BCAT1: variants seen among roughly 807,000 people sequenced by gnomAD.
BCAT1 encodes branched-chain-amino-acid aminotransferase, cytosolic.
BCAT1 carries 48 observed loss-of-function variants against 52.4 expected under a neutral mutation model. The observed-to-expected ratio is 0.92, with a 90% CI of 0.73 to 1.16. The LOEUF (loss-of-function observed/expected upper bound fraction) is 1.16, where lower values mean the gene tolerates loss of function less well. Ranked by LOEUF, BCAT1 falls within the 50% of genes most tolerant of loss-of-function variation. The pLI, the probability that BCAT1 is intolerant of heterozygous loss-of-function variation, is 0.00. For synonymous variants in BCAT1, 167 were observed against 161.3 expected (o/e 1.04, Z -0.27); for missense variants, 451 against 457.1 (o/e 0.99, Z 0.12).
chr12:24,859,531 G>T (rs575536713), intron 5 of BCAT1, among the ~76,000 whole-genome samples: 68 of 149,196 alleles, frequency 4.6e-4, no homozygotes, highest in Admixed American at 1.7e-3. Context: ...TGAGGCAGGA[G>T]AATGGTGTGA....
intron 1 of BCAT1, among the ~76,000 whole-genome samples, chr12:24,917,113 T>G (rs1242258164): frequency 6.6e-6 from 1 of 151,768 alleles, no homozygotes; most frequent in Non-Finnish European, 1.5e-5. Flanking sequence ...CTTCATTCAC[T>G]CAGTCCCATG....
chr12:24,936,280 T>C (rs1276789342), intron 1 of BCAT1, among the ~76,000 whole-genome samples: 2 of 152,270 alleles, frequency 1.3e-5, no homozygotes, highest in African/African-American at 4.8e-5. Context: ...TAGCCCAGGC[T>C]GGAGTGCAGT....
chr12:24,855,306 TAAA>T (rs777009658), intron 5 of BCAT1, among the ~76,000 whole-genome samples: 1 of 108,266 alleles, frequency 9.2e-6, no homozygotes, highest in Admixed American at 9.9e-5. Context: ...CAGGAGCAGT[TAAA>T]AAAAAAAAAA....
chr12:24,836,897 GAAA>G (rs1183678778), intron 7 of BCAT1, among the ~76,000 whole-genome samples: 10 of 28,890 alleles, frequency 3.5e-4, no homozygotes, highest in African/African-American at 1.4e-3. Flanking sequence ...AAGAAAGAAA[GAAA>G]AGAAAGAGAG....
At chr12:24,943,493 GAAAAAAAA>G (rs4031153) in intron 1 of BCAT1, among the ~76,000 whole-genome samples, 32 of 58,528 alleles carry the variant, frequency 5.5e-4, no homozygotes, top group African/African-American at 1.2e-3. Flanking sequence ...ACCCTATCTG[GAAAAAAAA>G]AAAAAAAAAA....
chr12:24,843,165 C>T (rs1941224167), intron 6 of BCAT1, among the ~76,000 whole-genome samples: 2 of 150,410 alleles, frequency 1.3e-5, no homozygotes, highest in African/African-American at 4.9e-5. Flanking sequence ...TGAAAAACAA[C>T]TAAAACAACT....
rs779564434 is a variant in BCAT1 at position 24,836,585 on chromosome 12, C to T, written c.829G>A (p.Ala277Thr). Residue 277 changes from alanine (A) to threonine (T), a missense_variant, in exon 8 of 11, where the codon GCA becomes ACA. Ala to Thr is a moderately conservative substitution (Grantham distance 58). Coordinates refer to ENST00000261192, the MANE Select transcript of BCAT1 (RefSeq NM_005504.7). ...WINEDGEEELATPPLDGIILP... is the reference protein window; with the variant it reads ...WINEDGEEELTTPPLDGIILP... ...ATGATGCCATCTAGTGGAGGAGTTGCCAGTTCTTCTTCTGTCAATCAGAAA... is the reference window on the plus strand; with the variant it reads ...ATGATGCCATCTAGTGGAGGAGTTGTCAGTTCTTCTTCTGTCAATCAGAAA... 7 of 1,611,540 alleles carry T rather than the reference C, an allele frequency of 4.3e-6. No individual in the cohort carries two copies. In the African/African-American group the frequency reaches 8.0e-5, roughly 18 times the overall value.
chr12:24,903,147 G>A (rs1943163580), intron 1 of BCAT1: 7 of 1,296,234 alleles, frequency 5.4e-6, no homozygotes, highest in Non-Finnish European at 6.8e-6. Context: ...CGCAGGGTAC[G>A]ACGCAACCCC....
chr12:24,881,200 C>G, intron 4 of BCAT1, 101 bp downstream of exon 4: 1 of 843,638 alleles, frequency 1.2e-6, no homozygotes. Flanking sequence ...ATGGTTTGTA[C>G]TGAATATTTA....
chr12:24,894,881 T>C (rs1223915392), intron 2 of BCAT1, among the ~76,000 whole-genome samples: 1 of 152,228 alleles, frequency 6.6e-6, no homozygotes, highest in African/African-American at 2.4e-5. Context: ...CTAAAATGAA[T>C]GTCATTAAGT....
At chr12:24,912,922 T>G (rs1943353616) in intron 1 of BCAT1, among the ~76,000 whole-genome samples, 1 of 152,138 alleles carries the variant, frequency 6.6e-6, no homozygotes, top group African/African-American at 2.4e-5. Flanking sequence ...TCATACAAAT[T>G]TATTTGATCA....
At chr12:24,870,004 A>AAG in intron 5 of BCAT1, among the ~76,000 whole-genome samples, 1 of 141,364 alleles carries the variant, frequency 7.1e-6, no homozygotes, top group East Asian at 2.1e-4. Context: ...GTGTGTATAT[A>AAG]TGTGTGTGTG....
rs112458468 is a variant in BCAT1, at chr12:24,936,712, A to ATCTCTCTCTCTCTCTCTCTCTCTCTC, written c.6+12214_6+12215insGAGAGAGAGAGAGAGAGAGAGAGAGA. Among the ~76,000 whole-genome samples, 288 of 111,936 alleles carry ATCTCTCTCTCTCTCTCTCTCTCTCTC rather than the reference A, an allele frequency of 2.6e-3. 1 individual carries two copies. The highest frequency in any genetic ancestry group is 0.012 in the Middle Eastern group (2 of 168). 73.4% of individuals were successfully genotyped at this position (111,936 alleles called of 152,430 possible). On this transcript the variant is annotated intron_variant, in intron 1 of 10. Transcript: ENST00000261192. The stretch of plus-strand genomic sequence containing the variant: ...AAGTAATGGAGCTCTTTAAATCTCA[A>ATCTCTCTCTCTCTCTCTCTCTCTCTC]TCTCTCTCTCTCACACACACACACA...
intron 2 of BCAT1, among the ~76,000 whole-genome samples, chr12:24,898,610 G>C (rs535239649): frequency 7.6e-6 from 1 of 131,074 alleles, no homozygotes. Context: ...CCGCCTCCCC[G>C]GTTCAAGCAA....
rs112458468 is a variant in BCAT1 at position 24,936,712 on chromosome 12, A to ATCTCTCTCTCTCTCTCTC, written c.6+12214_6+12215insGAGAGAGAGAGAGAGAGA. The stretch of plus-strand genomic sequence containing the variant: ...AAGTAATGGAGCTCTTTAAATCTCA[A>ATCTCTCTCTCTCTCTCTC]TCTCTCTCTCTCACACACACACACA... On this transcript the variant is annotated intron_variant, in intron 1 of 10. Coordinates refer to ENST00000261192, the MANE Select transcript of BCAT1 (RefSeq NM_005504.7). 5.4e-3 allele frequency among the ~76,000 whole-genome samples: 610 copies of ATCTCTCTCTCTCTCTCTC among 112,034 alleles called. 22 individuals are homozygous for ATCTCTCTCTCTCTCTCTC. Among genetic ancestry groups the ATCTCTCTCTCTCTCTCTC allele is most frequent in the Admixed American group, 6.4e-3 (75 of 11,684 alleles). The allele number at this position is 112,034 out of a possible 152,430, so 73.5% of individuals were successfully genotyped here. A position where few individuals can be genotyped will look rare whatever the true frequency, so the allele number is the denominator to read the frequency against.
rs199834232 is a variant in BCAT1 at position 24,836,912 on chromosome 12, A to G, written c.818-316T>C. On this transcript the variant is annotated intron_variant, in intron 7 of 10. Transcript: ENST00000261192. ...AAGAAAGAAAGAAAAGAAAGAGAGA[A>G]AGAAAGAAAGAAAGAAAGAAAGAAA... 7.5e-3 allele frequency among the ~76,000 whole-genome samples: 151 copies of G among 20,208 alleles called. 4 individuals are homozygous for G. Among genetic ancestry groups the G allele is most frequent in the African/African-American group, 0.016 (149 of 9,262 alleles). 13.3% of individuals were successfully genotyped at this position (20,208 alleles called of 152,430 possible).
intron 5 of BCAT1, among the ~76,000 whole-genome samples, chr12:24,875,702 G>T (rs544332692): frequency 6.6e-6 from 1 of 152,040 alleles, no homozygotes; most frequent in East Asian, 1.9e-4. Flanking sequence ...ATAACACCTC[G>T]GTGATTCAAA....
chr12:24,903,444 A>T (rs3759086), intron 1 of BCAT1: 88,124 of 156,118 alleles, frequency 0.56, 25,025 homozygotes, highest in South Asian at 0.62. Context: ...GACAAAAAGC[A>T]GTTTCTGCCC....
At chr12:24,869,305 CCA>C (rs1942115414) in intron 5 of BCAT1, among the ~76,000 whole-genome samples, 1 of 152,096 alleles carries the variant, frequency 6.6e-6, no homozygotes, top group Non-Finnish European at 1.5e-5. Flanking sequence ...CACTGGGGAG[CCA>C]CAGACGGTCA....
Sources: allele counts gnomAD v4.1 joint callset (sites outside exome capture counted in the v4.1 genomes callset), GRCh38; gene constraint gnomAD v4.1.1; transcripts MANE v1.5; gene names NCBI Gene and HGNC (gene_info 2026-07-23, HGNC 2026-07-21).